The following GCSH variants were observed in gnomAD, a reference collection of about 807,000 sequenced individuals.
The protein encoded by GCSH is glycine cleavage system H protein, mitochondrial.
A neutral mutation model predicts 21.3 loss-of-function variants in GCSH; 15 were observed. The ratio of observed to expected loss-of-function variants is 0.70; its 90% CI spans 0.47 to 1.08. The LOEUF is 1.08. GCSH is among the 50% of genes least tolerant of loss of function. GCSH has a pLI of 0.00. For missense variants in GCSH, 179 were observed against 217.5 expected, an observed-to-expected ratio of 0.82 and a Z score of 1.11; for synonymous variants, 59 against 84.5, an observed-to-expected ratio of 0.70 and a Z score of 1.66.
intron 1 of GCSH, among the ~76,000 whole-genome samples, chr16:81,093,046 C>G (rs1972428194): frequency 6.6e-6 from 1 of 151,042 alleles, no homozygotes; most frequent in South Asian, 2.1e-4. Flanking sequence ...GCAGGAGAAT[C>G]ACTTGAACCT....
At chr16:81,089,228 T>C (rs1338700633) in intron 2 of GCSH, among the ~76,000 whole-genome samples, 1 of 152,226 alleles carries the variant, frequency 6.6e-6, no homozygotes, top group African/African-American at 2.4e-5. Flanking sequence ...GGAGCAGAAG[T>C]GTTTTGGATT....
rs895736988 is a variant in GCSH, at chr16:81,090,839, T to G, written c.149-159A>C. ...GGCTCAGGAAAGAATGAAGATCATG[T>G]ATAGAGATGACGCATTTAAACAGCA... is the stretch of plus-strand genomic sequence containing the variant. On this transcript the variant is annotated intron_variant, in intron 1 of 4. Transcript: ENST00000315467. The G allele has an allele frequency of 2.7e-5, 19 of 692,836 alleles. No individual in the cohort carries two copies. The African/African-American group carries it at 3.0e-4, about 11-fold the overall frequency. 42.9% of individuals were successfully genotyped at this position (692,836 alleles called of 1,614,324 possible).
intron 1 of GCSH, among the ~76,000 whole-genome samples, chr16:81,093,140 A>C (rs1972430619): frequency 6.6e-6 from 1 of 151,908 alleles, no homozygotes; most frequent in Non-Finnish European, 1.5e-5. Context: ...AAAAAAAAAA[A>C]GTTGCAGAAT....
chr16:81,091,095 G>A, intron 1 of GCSH: 10 of 454,542 alleles, frequency 2.2e-5, no homozygotes, highest in Non-Finnish European at 4.0e-5. Flanking sequence ...GCTCATATAA[G>A]AAATGATTTA....
intron 1 of GCSH, among the ~76,000 whole-genome samples, chr16:81,093,989 C>A: frequency 6.6e-6 from 1 of 151,962 alleles, no homozygotes; most frequent in East Asian, 1.9e-4. Context: ...GCAACCTCTG[C>A]CTCCCGGGTT....
intron 4 of GCSH, chr16:81,084,043 G>C (rs752430710): frequency 2.8e-5 from 6 of 216,782 alleles, no homozygotes; most frequent in Non-Finnish European, 4.6e-5. Flanking sequence ...TGCGATCTTG[G>C]CTCACTATAG....
chr16:81,090,482 A>G lies in GCSH; in HGVS notation c.228+119T>C. The G allele has an allele frequency of 4.0e-6, 3 of 752,042 alleles. No individual in the cohort carries two copies. The South Asian group carries it at 4.3e-5, about 11-fold the overall frequency. The allele number at this position is 752,042 out of a possible 1,614,324, so 46.6% of individuals were successfully genotyped here. On this transcript the variant is annotated intron_variant, in intron 2 of 4. Coordinates refer to ENST00000315467, the MANE Select transcript of GCSH (RefSeq NM_004483.5). ...AGCAATCCTCCTGCCTCAGCCTCCC[A>G]AAGTGTTGGGATTACAGGCATGAGC... is the stretch of plus-strand genomic sequence containing the variant.
chr16:81,085,671 C>T (rs891274313), intron 3 of GCSH, among the ~76,000 whole-genome samples: 10 of 152,054 alleles, frequency 6.6e-5, no homozygotes, highest in African/African-American at 2.4e-4. Context: ...TAGTTTGAAA[C>T]CAGCCTAGCC....
At chr16:81,090,813 T>C (rs1972384150) in intron 1 of GCSH, 133 bp from the exon 2 acceptor site, 2 of 721,222 alleles carry the variant, frequency 2.8e-6, no homozygotes, top group Admixed American at 2.0e-5. Flanking sequence ...AAATAGTGCA[T>C]GGCTCAGGAA....
intron 4 of GCSH, 178 bp from the exon 5 acceptor site, chr16:81,083,141 A>G (rs1972202780): frequency 4.8e-6 from 3 of 628,108 alleles, no homozygotes; most frequent in Non-Finnish European, 8.6e-6. Context: ...TATATAACAA[A>G]TGAAAATAAT....
intron 4 of GCSH, chr16:81,083,913 C>T (rs549561758): frequency 7.3e-4 from 112 of 153,964 alleles, no homozygotes; most frequent in Middle Eastern, 3.4e-3. Flanking sequence ...TACACCAAAA[C>T]CAAAGAATCT....
intron 3 of GCSH, among the ~76,000 whole-genome samples, chr16:81,085,821 T>C (rs191433741): frequency 6.2e-4 from 95 of 152,054 alleles, no homozygotes; most frequent in African/African-American, 2.1e-3. Flanking sequence ...GACCATGCCA[T>C]TGCAGTCCAG....
intron 1 of GCSH, among the ~76,000 whole-genome samples, chr16:81,093,525 G>A (rs990409724): frequency 1.3e-5 from 2 of 151,914 alleles, no homozygotes; most frequent in African/African-American, 4.8e-5. Flanking sequence ...AGAGGGAGAC[G>A]GCAACATTAC....
chr16:81,084,640 G>C, intron 3 of GCSH, 46 bp from the exon 4 acceptor site: 1 of 1,449,306 alleles, frequency 6.9e-7, no homozygotes, highest in Non-Finnish European at 9.6e-7. Flanking sequence ...TTAAAAGTCA[G>C]TTACTTGAAA....
chr16:81,090,547 A>G lies in GCSH; in HGVS notation c.228+54T>C, dbSNP rs8177878. 14,313 of 1,199,864 alleles carry G rather than the reference A, an allele frequency of 0.012. 305 individuals are homozygous for G. Among genetic ancestry groups the G allele is most frequent in the African/African-American group, 0.07 (4,666 of 66,940 alleles). The allele number at this position is 1,199,864 out of a possible 1,614,324, so 74.3% of individuals were successfully genotyped here. A position where few individuals can be genotyped will look rare whatever the true frequency, so the allele number is the denominator to read the frequency against. ...TAAACACTTTTAAAAAGGTAGAGAT[A>G]AAGCAAATCATGCAAGAGCACACTG... is the stretch of plus-strand genomic sequence containing the variant. On this transcript the variant is annotated intron_variant, in intron 2 of 4. Coordinates refer to ENST00000315467, the MANE Select transcript of GCSH (RefSeq NM_004483.5).
chr16:81,091,478 G>C (rs8177865), intron 1 of GCSH, among the ~76,000 whole-genome samples: 1 of 152,108 alleles, frequency 6.6e-6, no homozygotes, highest in South Asian at 2.1e-4. Context: ...AAGAAGGACC[G>C]GCCAATGTTC....
intron 2 of GCSH, 94 bp from the exon 3 acceptor site, chr16:81,087,758 G>A: frequency 1.2e-6 from 1 of 836,780 alleles, no homozygotes. Context: ...CCCCTATAAT[G>A]AAGATTTAGT....
In GCSH at chr16:81,082,540, A is replaced by G. The variant is rs1440366424; in HGVS notation, c.*326T>C. On this transcript the variant is annotated 3_prime_UTR_variant, in exon 5 of 5. Coordinates refer to ENST00000315467, the MANE Select transcript of GCSH (RefSeq NM_004483.5). ...GGTATGGATACATGCAAGTTACAAT[A>G]TTATATAAGGCTTAAGAATAACAAT... is the stretch of plus-strand genomic sequence containing the variant. 5.7e-6 allele frequency: 2 copies of G among 349,810 alleles called. No individual in the cohort carries two copies. The highest frequency in any genetic ancestry group is 1.1e-5 in the Non-Finnish European group (2 of 185,228). The allele number at this position is 349,810 out of a possible 1,614,324, so 21.7% of individuals were successfully genotyped here. A position where few individuals can be genotyped will look rare whatever the true frequency, so the allele number is the denominator to read the frequency against.
Position 81,096,328 on chromosome 16 carries a change from G to T in GCSH, c.-50C>A, listed in dbSNP as rs1010066890. On this transcript the variant is annotated 5_prime_UTR_variant, in exon 1 of 5. Transcript: ENST00000315467. ...GCGCTACGCCTCGGCCACCCGCGCC[G>T]GGAGGCGGGGCGGGGAGGGGCAGTT... The T allele has an allele frequency of 3.0e-6, 4 of 1,333,980 alleles. No individual in the cohort carries two copies. Among genetic ancestry groups the T allele is most frequent in the Non-Finnish European group, 3.8e-6 (4 of 1,044,412 alleles). 82.6% of individuals were successfully genotyped at this position (1,333,980 alleles called of 1,614,324 possible).
Sources: allele counts gnomAD v4.1 joint callset (sites outside exome capture counted in the v4.1 genomes callset), GRCh38; gene constraint gnomAD v4.1.1; transcripts MANE v1.5; gene names NCBI Gene and HGNC (gene_info 2026-07-23, HGNC 2026-07-21).